The following PLCXD3 variants were observed in gnomAD, a reference collection of about 807,000 sequenced individuals.
PLCXD3 encodes the protein PI-PLC X domain-containing protein 3.
PLCXD3 carries 19 observed loss-of-function variants against 25.5 expected under a neutral mutation model. The observed-to-expected ratio is 0.75, with a 90% CI of 0.52 to 1.09. The LOEUF (loss-of-function observed/expected upper bound fraction) is 1.09, where lower values mean the gene tolerates loss of function less well. Ranked by LOEUF, PLCXD3 falls within the 50% of genes least tolerant of loss-of-function variation. The pLI, the probability that PLCXD3 is intolerant of heterozygous loss-of-function variation, is 0.00. For missense variants in PLCXD3, 411 were observed against 388.1 expected (o/e 1.06, Z -0.50); for synonymous variants, 174 against 137.6 (o/e 1.26, Z -1.85).
At chr5:41,330,522 G>A (rs1743764364) in intron 2 of PLCXD3, among the ~76,000 whole-genome samples, 3 of 152,112 alleles carry the variant, frequency 2.0e-5, no homozygotes, top group Admixed American at 1.3e-4. Context: ...GAGGTACAAG[G>A]AGGAACTGGT....
At chr5:41,394,211 T>G (rs1452729611) in intron 1 of PLCXD3, among the ~76,000 whole-genome samples, 1 of 152,204 alleles carries the variant, frequency 6.6e-6, no homozygotes, top group African/African-American at 2.4e-5. Context: ...TAAATTGTAT[T>G]AAGTTGTTAT....
At chr5:41,321,573 A>G (rs1206377750) in intron 2 of PLCXD3, among the ~76,000 whole-genome samples, 1 of 152,216 alleles carries the variant, frequency 6.6e-6, no homozygotes, top group Non-Finnish European at 1.5e-5. Flanking sequence ...AGAAATAGAA[A>G]AAGCAAACCT....
intron 1 of PLCXD3, among the ~76,000 whole-genome samples, chr5:41,509,485 A>G (rs7730189): frequency 0.012 from 1,891 of 152,140 alleles, 35 homozygotes; most frequent in African/African-American, 0.043. Flanking sequence ...CACCCTAGAA[A>G]CCTGCCCAGT....
Position 41,440,273 on chromosome 5 carries a change from C to T in PLCXD3, c.104-57739G>A, listed in dbSNP as rs190243226. On this transcript the variant is annotated intron_variant, in intron 1 of 2. Coordinates refer to ENST00000377801, the MANE Select transcript of PLCXD3 (RefSeq NM_001005473.3). Reference sequence around the variant, plus strand: ...TTTTAGTCAGAGTCTCACTGTGTCACCCAGGCTGGAGTGCAGTGGCACGAT... The same window carrying T: ...TTTTAGTCAGAGTCTCACTGTGTCATCCAGGCTGGAGTGCAGTGGCACGAT... 4.8e-3 allele frequency among the ~76,000 whole-genome samples: 563 copies of T among 117,604 alleles called. 5 individuals are homozygous for T. Among genetic ancestry groups the T allele is most frequent in the African/African-American group, 0.017 (522 of 30,316 alleles). 77.2% of individuals were successfully genotyped at this position (117,604 alleles called of 152,430 possible).
In PLCXD3 at chr5:41,384,680, TA is replaced by T. The variant is rs537739139; in HGVS notation, c.104-2147del. Among the ~76,000 whole-genome samples the T allele has an allele frequency of 2.7e-3, 414 of 152,118 alleles. 4 individuals carry two copies. The highest frequency in any genetic ancestry group is 9.5e-3 in the African/African-American group (394 of 41,516). On this transcript the variant is annotated intron_variant, in intron 1 of 2. Transcript: ENST00000377801. ...TTCTATCACATGGTTATGTGGCAAG[TA>T]AAAAAATTGTAAAAATAAAATTTTA...
At position 41,381,806 on chromosome 5, in the gene PLCXD3, G is replaced by C. The variant is rs577142761; in HGVS notation, c.812+20C>G. 5.9e-6 allele frequency: 9 copies of C among 1,514,684 alleles called. No individual in the cohort carries two copies. In the East Asian group the frequency reaches 2.0e-4, roughly 34 times the overall value. 93.8% of individuals were successfully genotyped at this position (1,514,684 alleles called of 1,614,324 possible). On this transcript the variant is annotated intron_variant, in intron 2 of 2. Transcript: ENST00000377801. ...GTTAAATTATTTGAGGTTTCCCCCT[G>C]ACATTTTAAAGACACTTACCTTTCT...
chr5:41,390,430 C>T (rs760906239), intron 1 of PLCXD3, among the ~76,000 whole-genome samples: 29 of 152,142 alleles, frequency 1.9e-4, no homozygotes, highest in Middle Eastern at 3.4e-3. Flanking sequence ...AAGAAATTGA[C>T]AAATTTCTCA....
chr5:41,378,595 T>C (rs1259587139), intron 2 of PLCXD3, among the ~76,000 whole-genome samples: 1 of 152,126 alleles, frequency 6.6e-6, no homozygotes, highest in East Asian at 1.9e-4. Context: ...AGAGCAGTTT[T>C]TAAAAATTAA....
chr5:41,494,498 G>T (rs1332725864), intron 1 of PLCXD3, among the ~76,000 whole-genome samples: 2 of 152,146 alleles, frequency 1.3e-5, no homozygotes, highest in Non-Finnish European at 2.9e-5. Flanking sequence ...AAATAAAAAT[G>T]AAGAATCACT....
chr5:41,378,550 T>G (rs891478384), intron 2 of PLCXD3, among the ~76,000 whole-genome samples: 1 of 152,122 alleles, frequency 6.6e-6, no homozygotes, highest in Admixed American at 6.6e-5. Flanking sequence ...ATACATAAGC[T>G]AGAGGCAAGT....
At chr5:41,459,577 C>T (rs1399087584) in intron 1 of PLCXD3, among the ~76,000 whole-genome samples, 3 of 151,746 alleles carry the variant, frequency 2.0e-5, no homozygotes, top group African/African-American at 7.3e-5. Context: ...AATTAATATT[C>T]CTAAAATAAC....
chr5:41,376,372 T>C (rs749407436), intron 2 of PLCXD3, among the ~76,000 whole-genome samples: 46 of 152,244 alleles, frequency 3.0e-4, no homozygotes, highest in Middle Eastern at 3.4e-3. Flanking sequence ...TCTTCCTTCC[T>C]TACTCAACCT....
intron 2 of PLCXD3, among the ~76,000 whole-genome samples, chr5:41,349,544 A>G (rs1470808005): frequency 6.6e-6 from 1 of 152,206 alleles, no homozygotes; most frequent in African/African-American, 2.4e-5. Context: ...AAGCAACTAG[A>G]GCACATCCCA....
intron 1 of PLCXD3, among the ~76,000 whole-genome samples, chr5:41,481,327 A>G (rs1748411086): frequency 6.6e-6 from 1 of 152,238 alleles, no homozygotes; most frequent in East Asian, 1.9e-4. Context: ...ACAAATGGTC[A>G]CAATTACTGT....
intron 1 of PLCXD3, among the ~76,000 whole-genome samples, chr5:41,475,415 T>C (rs1313803149): frequency 6.6e-6 from 1 of 152,214 alleles, no homozygotes; most frequent in Non-Finnish European, 1.5e-5. Context: ...CTACTAGTCT[T>C]TGCTAGTCTC....
intron 2 of PLCXD3, among the ~76,000 whole-genome samples, chr5:41,361,029 C>T (rs866477721): frequency 2.0e-5 from 3 of 151,580 alleles, no homozygotes; most frequent in Non-Finnish European, 1.5e-5. Flanking sequence ...CAAGTGGGGG[C>T]AGGGATAGAT....
chr5:41,469,498 C>CT (rs35338656), intron 1 of PLCXD3, among the ~76,000 whole-genome samples: 95,449 of 146,418 alleles, frequency 0.65, 31,588 homozygotes, highest in Admixed American at 0.74. Context: ...TTGTGAGCTG[C>CT]TTTTTTTTTT....
At chr5:41,394,394 A>T (rs1333949871) in intron 1 of PLCXD3, among the ~76,000 whole-genome samples, 1 of 152,166 alleles carries the variant, frequency 6.6e-6, no homozygotes, top group Non-Finnish European at 1.5e-5. Flanking sequence ...ACAGAAAGAA[A>T]AAGGAAAGTA....
rs1430099943 is a variant in PLCXD3, at chr5:41,311,685, CA to C, written c.*1931del. On this transcript the variant is annotated 3_prime_UTR_variant, in exon 3 of 3. Transcript: ENST00000377801. ...CTATTTGGTATACCACAGGTACATACACACTCCTCATAAACATTCTCTTCAG... is the reference window on the plus strand; with the variant it reads ...CTATTTGGTATACCACAGGTACATACCACTCCTCATAAACATTCTCTTCAG... 2 of 152,152 alleles carry C rather than the reference CA, an allele frequency of 1.3e-5. No homozygotes were observed. The highest frequency in any genetic ancestry group is 2.4e-5 in the African/African-American group (1 of 41,446). The allele number at this position is 152,152 out of a possible 1,614,324, so 9.4% of individuals were successfully genotyped here.
Sources: gnomAD v4.1 joint callset for allele counts (sites outside exome capture counted in the v4.1 genomes callset) on GRCh38, gnomAD v4.1.1 for gene constraint, MANE v1.5 for transcripts, NCBI Gene and HGNC (gene_info 2026-07-23, HGNC 2026-07-21) for gene names.